Variants in UGT1A3 observed in about 807,000 individuals in gnomAD.
UGT1A3 encodes the protein UDP-glucuronosyltransferase 1A3.
A neutral mutation model predicts 41.0 loss-of-function variants in UGT1A3; 31 were observed. The ratio of observed to expected loss-of-function variants is 0.76; its 90% CI spans 0.57 to 1.02. The LOEUF (loss-of-function observed/expected upper bound fraction) is 1.02. Among genes scored for constraint, UGT1A3 ranks in the 50% least tolerant of loss-of-function variants. The pLI is 0.00. For missense variants in UGT1A3, 737 were observed against 671.0 expected (o/e 1.10, Z -1.09); for synonymous variants, 262 against 257.6 (o/e 1.02, Z -0.17).
At chr2:233,743,998 C>T (rs1199821485) in intron 1 of UGT1A3, 12 of 1,233,642 alleles carry the variant, frequency 9.7e-6, no homozygotes, top group African/African-American at 6.3e-5. Flanking sequence ...CCCGAGTGCT[C>T]GGAGACCTGG....
Position 233,744,237 on chromosome 2 carries a change from T to C in UGT1A3, c.867+14244T>C, listed in dbSNP as rs1220461600. On this transcript the variant is annotated intron_variant, in intron 1 of 4. Coordinates refer to ENST00000482026, the MANE Select transcript of UGT1A3 (RefSeq NM_019093.4). ...GTTGGGGAAAAGAGAGGGCCTTGACTTTGGCTGCCTGAAGAACTGTTTTTC... is the reference window on the plus strand; with the variant it reads ...GTTGGGGAAAAGAGAGGGCCTTGACCTTGGCTGCCTGAAGAACTGTTTTTC... Among the ~76,000 whole-genome samples, 6 of 151,784 alleles carry C rather than the reference T, an allele frequency of 4.0e-5. 1 individual carries two copies. Among genetic ancestry groups the C allele is most frequent in the African/African-American group, 1.5e-4 (6 of 41,066 alleles).
intron 1 of UGT1A3, chr2:233,738,921 G>A (rs1476491765): frequency 6.6e-6 from 1 of 152,268 alleles, no homozygotes; most frequent in Non-Finnish European, 1.5e-5. Flanking sequence ...CAGGCCTGGA[G>A]GCCTAGGAAG....
intron 1 of UGT1A3, chr2:233,754,765 T>C (rs1277866100): frequency 2.0e-6 from 2 of 992,196 alleles, no homozygotes; most frequent in African/African-American, 1.7e-5. Context: ...AGGCCCCCAC[T>C]TCCCAGGGAG....
At chr2:233,740,203 T>G (rs1381111431) in intron 1 of UGT1A3, among the ~76,000 whole-genome samples, 1 of 151,870 alleles carries the variant, frequency 6.6e-6, no homozygotes, top group Non-Finnish European at 1.5e-5. Context: ...TTTTATAAAT[T>G]ACCCAGTCTC....
Position 233,772,820 on chromosome 2 carries a change from C to A in UGT1A3, c.*261C>A. On this transcript the variant is annotated 3_prime_UTR_variant, in exon 5 of 5. Coordinates refer to ENST00000482026, the MANE Select transcript of UGT1A3 (RefSeq NM_019093.4). ...TGCCATTTTTCAGAGGACGTGCAGACAGGCTGGCATTCTAGATTACTTTTC... is the reference window on the plus strand; with the variant it reads ...TGCCATTTTTCAGAGGACGTGCAGAAAGGCTGGCATTCTAGATTACTTTTC... 1 of 980,890 alleles carries A rather than the reference C, an allele frequency of 1.0e-6. No individual in the cohort carries two copies. The highest frequency in any genetic ancestry group is 1.4e-6 in the Non-Finnish European group (1 of 712,708). 60.8% of individuals were successfully genotyped at this position (980,890 alleles called of 1,614,324 possible).
chr2:233,733,686 T>A (rs1338920576), intron 1 of UGT1A3, among the ~76,000 whole-genome samples: 1 of 152,244 alleles, frequency 6.6e-6, no homozygotes, highest in African/African-American at 2.4e-5. Context: ...AACTTTTTGA[T>A]GTGCTGCTGG....
intron 1 of UGT1A3, among the ~76,000 whole-genome samples, chr2:233,738,304 T>C (rs762666670): frequency 6.6e-6 from 1 of 152,228 alleles, no homozygotes; most frequent in Non-Finnish European, 1.5e-5. Flanking sequence ...GGTATGTCTT[T>C]ATAGCAGTGT....
chr2:233,729,455 T>G lies in UGT1A3; in HGVS notation c.329T>G (p.Phe110Cys). 2.5e-6 allele frequency: 4 copies of G among 1,614,068 alleles called. No homozygotes were observed. The highest frequency in any genetic ancestry group is 2.5e-6 in the Non-Finnish European group (3 of 1,179,970). ...YFETEHFLKKFFRSMAMLNNM... is the reference protein window; with the variant it reads ...YFETEHFLKKCFRSMAMLNNM... ...GAAACAGAACATTTTCTGAAGAAATTTTTCAGAAGTATGGCAATGTTGAAC... is the reference window on the plus strand; with the variant it reads ...GAAACAGAACATTTTCTGAAGAAATGTTTCAGAAGTATGGCAATGTTGAAC... Residue 110 changes from phenylalanine to cysteine, a missense_variant, in exon 1 of 5, where the codon TTT becomes TGT. By Grantham distance (205) the Phe-to-Cys change is radical. Transcript: ENST00000482026.
In UGT1A3 at chr2:233,772,466, C is replaced by T. The variant is rs1700524185; in HGVS notation, c.1512C>T (p.Ala504=). 6.2e-7 allele frequency: 1 copy of T among 1,614,030 alleles called. No individual in the cohort carries two copies. The highest frequency in any genetic ancestry group is 1.3e-5 in the African/African-American group (1 of 74,904). The change falls in exon 5 of 5, where the codon GCC becomes GCT. Residue 504 remains alanine, a synonymous_variant. Transcript: ENST00000482026. ...GFLLAVVLTV[A]FITFKCCAYG... Reference sequence around the variant, plus strand: ...TCTTGGCCGTCGTGCTGACAGTGGCCTTCATCACCTTTAAATGTTGTGCTT... The same window carrying T: ...TCTTGGCCGTCGTGCTGACAGTGGCTTTCATCACCTTTAAATGTTGTGCTT...
intron 1 of UGT1A3, among the ~76,000 whole-genome samples, chr2:233,761,716 C>T (rs1291431022): frequency 6.6e-6 from 1 of 152,198 alleles, no homozygotes; most frequent in Non-Finnish European, 1.5e-5. Flanking sequence ...CATTCTCAAG[C>T]TATTAGGTTT....
In UGT1A3 at chr2:233,748,123, A is replaced by G. The variant is rs1228828484; in HGVS notation, c.867+18130A>G. On this transcript the variant is annotated intron_variant, in intron 1 of 4. Transcript: ENST00000482026. ...ATCCAATCAATGTTCCAGGCAAAAC[A>G]GTTTTTAAAAATTGTATTTACTTAC... The G allele has an allele frequency of 8.7e-6, 14 of 1,610,818 alleles. No individual in the cohort carries two copies. In the Admixed American group the frequency reaches 2.2e-4, roughly 25 times the overall value.
At chr2:233,759,598 G>T (rs1449245871) in intron 1 of UGT1A3, among the ~76,000 whole-genome samples, 1 of 32,538 alleles carries the variant, frequency 3.1e-5, no homozygotes, top group Non-Finnish European at 7.1e-5. Flanking sequence ...CCCCACCCCC[G>T]ACCCGCCCCA....
chr2:233,754,555 A>T (rs1416104293), intron 1 of UGT1A3: 3 of 389,270 alleles, frequency 7.7e-6, no homozygotes, highest in Non-Finnish European at 1.5e-5. Context: ...CTTGGTGTCA[A>T]TGGGGAGCAA....
At chr2:233,749,892 C>T (rs1443411185) in intron 1 of UGT1A3, among the ~76,000 whole-genome samples, 2 of 151,938 alleles carry the variant, frequency 1.3e-5, no homozygotes, top group African/African-American at 2.4e-5. Flanking sequence ...TGAGGCTCCC[C>T]CCTCCAGCCA....
rs994298046 is a variant in UGT1A3 at position 233,760,365 on chromosome 2, T to C, written c.868-6669T>C. On this transcript the variant is annotated intron_variant, in intron 1 of 4. Transcript: ENST00000482026. Reference sequence around the variant, plus strand: ...GTGTGCTGGGCCCAGTGGTGTCCCATGCTGGGAAGATACTGTTGATCCCAG... The same window carrying C: ...GTGTGCTGGGCCCAGTGGTGTCCCACGCTGGGAAGATACTGTTGATCCCAG... 21 of 1,614,004 alleles carry C rather than the reference T, an allele frequency of 1.3e-5. No individual in the cohort carries two copies. Among genetic ancestry groups the C allele is most frequent in the Non-Finnish European group, 1.7e-5 (20 of 1,180,006 alleles).
intron 1 of UGT1A3, among the ~76,000 whole-genome samples, chr2:233,739,630 G>A (rs535320958): frequency 6.6e-6 from 1 of 152,302 alleles, no homozygotes; most frequent in African/African-American, 2.4e-5. Context: ...CATTTGAAAT[G>A]GGAACATTTA....
At chr2:233,743,680 G>T in intron 1 of UGT1A3, 1 of 1,367,218 alleles carries the variant, frequency 7.3e-7, no homozygotes, top group South Asian at 1.1e-5. Context: ...AGGGCCTGCC[G>T]CCTGTGCAGC....
At chr2:233,731,656 T>G (rs62191916) in intron 1 of UGT1A3, among the ~76,000 whole-genome samples, 12,108 of 152,302 alleles carry the variant, frequency 0.079, 643 homozygotes, top group East Asian at 0.2. Context: ...GGTGTATATG[T>G]GCCACATTTT....
At chr2:233,757,560 A>G (rs183308239) in intron 1 of UGT1A3, among the ~76,000 whole-genome samples, 5,655 of 123,138 alleles carry the variant, frequency 0.046, 493 homozygotes, top group Non-Finnish European at 0.065. Flanking sequence ...ATATATATAT[A>G]TGTATATATG....
Sources: gnomAD v4.1 joint callset for allele counts (sites outside exome capture counted in the v4.1 genomes callset) on GRCh38, gnomAD v4.1.1 for gene constraint, MANE v1.5 for transcripts, NCBI Gene and HGNC (gene_info 2026-07-23, HGNC 2026-07-21) for gene names.